TMEM217B: variants seen among roughly 807,000 people sequenced by gnomAD.
TMEM217B encodes transmembrane protein 217B.
the TMEM217B span, among the ~76,000 whole-genome samples, chr6:37,234,633 G>A: frequency 2.0e-5 from 3 of 152,218 alleles, no homozygotes; most frequent in East Asian, 5.8e-4. Flanking sequence ...CTACTCAGGA[G>A]TCTGAGGCAA....
the TMEM217B span, among the ~76,000 whole-genome samples, chr6:37,217,490 C>T: frequency 1.3e-5 from 2 of 152,148 alleles, no homozygotes; most frequent in Non-Finnish European, 2.9e-5. Context: ...ACAGTATATA[C>T]ACAATGTTCA....
the TMEM217B span, among the ~76,000 whole-genome samples, chr6:37,219,732 C>CA: frequency 0.013 from 1,946 of 145,484 alleles, 30 homozygotes; most frequent in Middle Eastern, 0.069. Flanking sequence ...ACCCTATATC[C>CA]AAAAAAAAAA....
At chr6:37,254,871 G>C in the TMEM217B span, among the ~76,000 whole-genome samples, 1 of 152,096 alleles carries the variant, frequency 6.6e-6, no homozygotes, top group Non-Finnish European at 1.5e-5. Context: ...TTTTGGGGGA[G>C]GGGGGTTAAA....
At chr6:37,229,375 C>T in the TMEM217B span, among the ~76,000 whole-genome samples, 3 of 114,030 alleles carry the variant, frequency 2.6e-5, no homozygotes, top group African/African-American at 1.0e-4. Context: ...CAGTGTCTCG[C>T]TCTGTCGCCC....
chr6:37,237,298 G>A, the TMEM217B span, among the ~76,000 whole-genome samples: 5 of 152,158 alleles, frequency 3.3e-5, no homozygotes, highest in Non-Finnish European at 5.9e-5. Context: ...ATATTCACAA[G>A]TGAATTGACA....
chr6:37,220,551 T>A, the TMEM217B span, among the ~76,000 whole-genome samples: 1 of 152,166 alleles, frequency 6.6e-6, no homozygotes, highest in East Asian at 1.9e-4. Flanking sequence ...TGGCCTTTTT[T>A]TTTTTGTAGA....
the TMEM217B span, among the ~76,000 whole-genome samples, chr6:37,224,614 C>CG: frequency 2.0e-5 from 1 of 48,876 alleles, no homozygotes; most frequent in Non-Finnish European, 5.3e-5. Flanking sequence ...AACAAACAAA[C>CG]GAAAAAAAAA....
chr6:37,251,857 T>C, the TMEM217B span, among the ~76,000 whole-genome samples: 1 of 152,236 alleles, frequency 6.6e-6, no homozygotes, highest in Admixed American at 6.5e-5. Flanking sequence ...TGGTATGCTA[T>C]TTTTATATGA....
At chr6:37,212,217 T>C in the TMEM217B span, 1 of 332,334 alleles carries the variant, frequency 3.0e-6, no homozygotes, top group South Asian at 2.4e-5. Flanking sequence ...TATCATTAAC[T>C]GCTAAAACAA....
At chr6:37,213,281 T>C in the TMEM217B span, among the ~76,000 whole-genome samples, 1 of 152,118 alleles carries the variant, frequency 6.6e-6, no homozygotes, top group East Asian at 1.9e-4. Context: ...GCAAAAAGAG[T>C]GCTCCTGTTG....
chr6:37,233,224 T>A, the TMEM217B span, among the ~76,000 whole-genome samples: 1 of 149,404 alleles, frequency 6.7e-6, no homozygotes, highest in Non-Finnish European at 1.5e-5. Flanking sequence ...CATTTCCCCA[T>A]GTACCTTCCT....
the TMEM217B span, among the ~76,000 whole-genome samples, chr6:37,226,242 TTTG>T: frequency 2.7e-5 from 4 of 148,994 alleles, no homozygotes; most frequent in Admixed American, 1.3e-4. Flanking sequence ...ATTCTCTTTT[TTTG>T]TTTTGTTTTG....
At chr6:37,222,777 G>A in the TMEM217B span, among the ~76,000 whole-genome samples, 2 of 152,220 alleles carry the variant, frequency 1.3e-5, no homozygotes, top group African/African-American at 2.4e-5. Context: ...TGGTTTGGGC[G>A]GCTGCAGTAG....
At chr6:37,236,518 G>A in the TMEM217B span, among the ~76,000 whole-genome samples, 1 of 152,048 alleles carries the variant, frequency 6.6e-6, no homozygotes, top group East Asian at 1.9e-4. Context: ...GGAATAATAG[G>A]CCATTATAGG....
the TMEM217B span, among the ~76,000 whole-genome samples, chr6:37,235,185 T>C: frequency 2.0e-5 from 3 of 152,096 alleles, no homozygotes; most frequent in Non-Finnish European, 2.9e-5. Flanking sequence ...CTTGTGAAAA[T>C]TTCTGGAAAT....
the TMEM217B span, chr6:37,215,226 GTGCTGGGGGC>G: frequency 1.2e-6 from 2 of 1,613,926 alleles, no homozygotes; most frequent in Non-Finnish European, 1.7e-6. Flanking sequence ...GTATCTACAG[GTGCTGGGGGC>G]TGAGCTTGGC....
the TMEM217B span, among the ~76,000 whole-genome samples, chr6:37,229,847 G>A: frequency 6.6e-6 from 1 of 152,162 alleles, no homozygotes; most frequent in East Asian, 1.9e-4. Flanking sequence ...TAGTATCTCA[G>A]TTCTGTAGGT....
At chr6:37,257,167 T>C in the TMEM217B span, among the ~76,000 whole-genome samples, 1 of 152,206 alleles carries the variant, frequency 6.6e-6, no homozygotes. Context: ...GTGAGAGTTA[T>C]GGATTGACAT....
chr6:37,229,597 C>T, the TMEM217B span, among the ~76,000 whole-genome samples: 1 of 152,134 alleles, frequency 6.6e-6, no homozygotes, highest in African/African-American at 2.4e-5. Context: ...CCGCCTCCGC[C>T]TCCCAAAGTG....
Sources: allele counts gnomAD v4.1 joint callset (sites outside exome capture counted in the v4.1 genomes callset), GRCh38; gene constraint gnomAD v4.1.1; transcripts MANE v1.5; gene names NCBI Gene and HGNC (gene_info 2026-07-23, HGNC 2026-07-21).